RNF144A: variants seen among roughly 807,000 people sequenced by gnomAD.
The protein encoded by RNF144A is ring finger protein 144A, also known as E3 ubiquitin-protein ligase RNF144A.
RNF144A carries 11 observed loss-of-function variants against 38.7 expected under a neutral mutation model. That is an observed-to-expected ratio of 0.28 (90% CI 0.18 to 0.47). The LOEUF is 0.47. Ranked by LOEUF, RNF144A falls within the 20% of genes least tolerant of loss-of-function variation. RNF144A has a pLI of 0.99. For synonymous variants in RNF144A, 149 were observed against 143.9 expected, an observed-to-expected ratio of 1.04 and a Z score of -0.25; for missense variants, 316 against 377.2, an observed-to-expected ratio of 0.84 and a Z score of 1.34.
In RNF144A at chr2:7,005,917, C is replaced by CTTT. The variant is rs35114772; in HGVS notation, c.136-8523_136-8521dup. On this transcript the variant is annotated intron_variant, in intron 3 of 8. Coordinates refer to ENST00000320892, the MANE Select transcript of RNF144A (RefSeq NM_014746.6). ...ACCTGCTCCTTGCATATCTGCCACT[C>CTTT]TTTTTTTTTTTTTTTTAACTTGTGG... Among the ~76,000 whole-genome samples, 974 of 140,380 alleles carry CTTT rather than the reference C, an allele frequency of 6.9e-3. 7 individuals carry two copies. Among genetic ancestry groups the CTTT allele is most frequent in the African/African-American group, 0.022 (837 of 38,134 alleles). The allele number at this position is 140,380 out of a possible 152,430, so 92.1% of individuals were successfully genotyped here.
intron 8 of RNF144A, among the ~76,000 whole-genome samples, chr2:7,037,719 A>T (rs1023249747): frequency 2.6e-5 from 4 of 152,254 alleles, no homozygotes; most frequent in African/African-American, 9.6e-5. Context: ...GAGAAATCTC[A>T]GTCGAGGTAT....
chr2:7,054,634 A>G (rs1673657655), intron 6 of RNF144A, among the ~76,000 whole-genome samples: 1 of 152,144 alleles, frequency 6.6e-6, no homozygotes, highest in Non-Finnish European at 1.5e-5. Context: ...CTGTGATAGT[A>G]TGAAGGGCTC....
chr2:6,955,850 T>G (rs1666967432), intron 2 of RNF144A, among the ~76,000 whole-genome samples: 1 of 152,166 alleles, frequency 6.6e-6, no homozygotes, highest in African/African-American at 2.4e-5. Context: ...ACAGAGGGAT[T>G]GATTCTTTTC....
At chr2:7,000,857 C>T (rs12624155) in intron 3 of RNF144A, among the ~76,000 whole-genome samples, 78 of 149,338 alleles carry the variant, frequency 5.2e-4, no homozygotes, top group African/African-American at 1.6e-3. Context: ...ATATATATTG[C>T]GTTTATATAT....
intron 5 of RNF144A, 120 bp downstream of exon 5, chr2:7,014,892 T>A (rs1347490798): frequency 2.8e-6 from 2 of 722,476 alleles, no homozygotes; most frequent in East Asian, 5.0e-5. Flanking sequence ...AAAAAGTTGA[T>A]GTAAAATAAA....
intron 5 of RNF144A, among the ~76,000 whole-genome samples, chr2:7,015,702 G>T (rs1671091381): frequency 6.6e-6 from 1 of 152,184 alleles, no homozygotes; most frequent in Non-Finnish European, 1.5e-5. Flanking sequence ...GGCTTGTCTG[G>T]TAAAGAGCAG....
intron 3 of RNF144A, among the ~76,000 whole-genome samples, chr2:7,001,942 G>T (rs530322323): frequency 1.3e-5 from 2 of 152,284 alleles, no homozygotes; most frequent in Admixed American, 1.3e-4. Flanking sequence ...TCAACCTCAT[G>T]AACAAATTAA....
Position 6,965,941 on chromosome 2 carries a change from G to C in RNF144A, c.-12+24794G>C, listed in dbSNP as rs567570701. Reference sequence around the variant, plus strand: ...AGTATCATTAAAAAAGAAAGAAAAGGAAAAAAGACCGCTCCTCACCCCCAC... The same window carrying C: ...AGTATCATTAAAAAAGAAAGAAAAGCAAAAAAGACCGCTCCTCACCCCCAC... On this transcript the variant is annotated intron_variant, in intron 2 of 8. Coordinates refer to ENST00000320892, the MANE Select transcript of RNF144A (RefSeq NM_014746.6). Among the ~76,000 whole-genome samples the C allele has an allele frequency of 3.3e-5, 5 of 152,094 alleles. No individual in the cohort carries two copies. In the East Asian group the frequency reaches 9.6e-4, roughly 29 times the overall value.
intron 3 of RNF144A, among the ~76,000 whole-genome samples, chr2:7,007,500 GAC>G (rs1300135739): frequency 1.3e-5 from 2 of 152,124 alleles, no homozygotes; most frequent in Non-Finnish European, 2.9e-5. Flanking sequence ...CGATTTCACA[GAC>G]ACACTCATTT....
intron 2 of RNF144A, among the ~76,000 whole-genome samples, chr2:6,956,596 T>G (rs1001361158): frequency 6.6e-6 from 1 of 152,226 alleles, no homozygotes; most frequent in African/African-American, 2.4e-5. Flanking sequence ...AGTTGGGTCT[T>G]GAATCTGGGT....
At chr2:7,009,126 C>T (rs924238900) in intron 3 of RNF144A, among the ~76,000 whole-genome samples, 6 of 152,220 alleles carry the variant, frequency 3.9e-5, no homozygotes, top group Non-Finnish European at 8.8e-5. Flanking sequence ...ACAGGAGACC[C>T]ATACACAGCA....
At chr2:7,021,311 G>C (rs1017225627) in intron 6 of RNF144A, among the ~76,000 whole-genome samples, 2 of 152,132 alleles carry the variant, frequency 1.3e-5, no homozygotes, top group African/African-American at 4.8e-5. Context: ...GTTGAGTCCA[G>C]GATCCTCATA....
intron 2 of RNF144A, among the ~76,000 whole-genome samples, chr2:6,950,134 T>A (rs1417992667): frequency 6.6e-6 from 1 of 152,194 alleles, no homozygotes; most frequent in Non-Finnish European, 1.5e-5. Flanking sequence ...TTAGCAAATA[T>A]CCTGAACCTG....
the RNF144A span, among the ~76,000 whole-genome samples, chr2:7,076,221 C>T: frequency 0.31 from 47,184 of 151,938 alleles, 7,897 homozygotes; most frequent in Non-Finnish European, 0.39. Context: ...ATATGTGTTA[C>T]TGTATAAGAA....
rs1666132176 is a variant in RNF144A at position 6,943,281 on chromosome 2, C to G, written c.-12+2134C>G. Among the ~76,000 whole-genome samples the G allele has an allele frequency of 6.6e-6, 1 of 152,136 alleles. No homozygotes were observed. The highest frequency in any genetic ancestry group is 2.4e-5 in the African/African-American group (1 of 41,430). On this transcript the variant is annotated intron_variant, in intron 2 of 8. Coordinates refer to ENST00000320892, the MANE Select transcript of RNF144A (RefSeq NM_014746.6). This position sits in a 1 kb window ranked among gnomAD's most constrained non-coding sequence, Gnocchi z 4.3. ...AGCAAAGGAGAACAAGAGGGAACAACCAGGGAGGAAGCGGGGGAACCAGGA... is the reference window on the plus strand; with the variant it reads ...AGCAAAGGAGAACAAGAGGGAACAAGCAGGGAGGAAGCGGGGGAACCAGGA...
Position 6,935,449 on chromosome 2 carries a change from CTG to C in RNF144A, c.-211-5495_-211-5494del, listed in dbSNP as rs372559750. On this transcript the variant is annotated intron_variant, in intron 1 of 8. Coordinates refer to ENST00000320892, the MANE Select transcript of RNF144A (RefSeq NM_014746.6). ...CGCTCTTCATCACTGAGCTGCATCT[CTG>C]TGTTTGGACATCCGAGGGCCCCACG... is the stretch of plus-strand genomic sequence containing the variant. Among the ~76,000 whole-genome samples the C allele has an allele frequency of 4.3e-4, 66 of 152,346 alleles. 3 individuals carry two copies. The highest frequency in any genetic ancestry group is 1.5e-3 in the African/African-American group (61 of 41,582).
At chr2:6,946,722 T>C (rs1666366280) in intron 2 of RNF144A, among the ~76,000 whole-genome samples, 1 of 152,144 alleles carries the variant, frequency 6.6e-6, no homozygotes, top group Admixed American at 6.5e-5. Context: ...AATAATAAAA[T>C]CACGTATTAA....
In RNF144A at chr2:6,962,232, T is replaced by C. The variant is rs1034410472; in HGVS notation, c.-12+21085T>C. On this transcript the variant is annotated intron_variant, in intron 2 of 8. Coordinates refer to ENST00000320892, the MANE Select transcript of RNF144A (RefSeq NM_014746.6). The surrounding 1 kb of genome is among the most constrained non-coding windows in gnomAD (Gnocchi z 4.1). The stretch of plus-strand genomic sequence containing the variant: ...AAATCTCTGGTAGCCCCCACCCTAA[T>C]GATTTATTATGCAGGCGGGTTCTCT... Among the ~76,000 whole-genome samples the C allele has an allele frequency of 3.9e-5, 6 of 152,200 alleles. No individual in the cohort carries two copies. The highest frequency in any genetic ancestry group is 1.4e-4 in the African/African-American group (6 of 41,462).
intron 6 of RNF144A, among the ~76,000 whole-genome samples, chr2:7,050,527 C>A (rs1673478672): frequency 6.6e-6 from 1 of 152,150 alleles, no homozygotes; most frequent in Non-Finnish European, 1.5e-5. Context: ...CCTGGGGCCT[C>A]CTAAAGTATC....
Sources: gnomAD v4.1 joint callset for allele counts (sites outside exome capture counted in the v4.1 genomes callset) on GRCh38, gnomAD v4.1.1 for gene constraint, Gnocchi (gnomAD v3.1) non-coding constraint, MANE v1.5 for transcripts, NCBI Gene and HGNC (gene_info 2026-07-23, HGNC 2026-07-21) for gene names.